Variants in EVC observed in about 807,000 individuals in gnomAD.
The protein encoded by EVC is evC complex member EVC.
Under a neutral mutation model 118.9 loss-of-function variants are expected in EVC, and 116 were observed. That is an observed-to-expected ratio of 0.98 (90% confidence interval 0.84 to 1.14). EVC has a LOEUF of 1.14. EVC is among the 50% of genes most tolerant of loss of function. The pLI is 0.00. For synonymous variants in EVC, 619 were observed against 534.7 expected (o/e 1.16, Z -2.18); for missense variants, 1,401 against 1,246.4 (o/e 1.12, Z -1.87).
At chr4:5,769,425 C>T (rs1172716353) in intron 11 of EVC, among the ~76,000 whole-genome samples, 1 of 152,144 alleles carries the variant, frequency 6.6e-6, no homozygotes, top group Non-Finnish European at 1.5e-5. Flanking sequence ...TAAACCATAT[C>T]ATAACCTAAT....
intron 19 of EVC, 122 bp from the exon 20 acceptor site, chr4:5,810,191 GAGTGGCTGCAATAGCATAAGATACCA>G: frequency 7.0e-6 from 5 of 714,578 alleles, no homozygotes; most frequent in Non-Finnish European, 1.0e-5. Context: ...CTCATTAGTT[GAGTGGCTGCAATAGCATAAGATACCA>G]AGCATACACT....
Position 5,748,150 on chromosome 4 carries a change from G to A in EVC, c.942G>A (p.Met314Ile), listed in dbSNP as rs757159611. 6.2e-7 allele frequency: 1 copy of A among 1,614,180 alleles called. No individual in the cohort carries two copies. Among genetic ancestry groups the A allele is most frequent in the East Asian group, 2.2e-5 (1 of 44,880 alleles). The change falls in exon 8 of 21, where the codon ATG becomes ATA. Residue 314 changes from methionine (M) to isoleucine (I), a missense_variant and splice_region_variant. Transcript: ENST00000264956. ...TGCTGCTTGTGCTCATTTCACAGAT[G>A]GAAGCTTTCTGGAAACAGATGGCAA... The part of the protein sequence containing the change: ...REYSEQLIDN[M>I]EAFWKQMANI...
In EVC at chr4:5,739,397, C is replaced by T. The variant is rs186347794; in HGVS notation, c.703-2319C>T. Reference sequence around the variant, plus strand: ...TTCTGGGTTCAAATCTCAGCTCTGTCGCATGTGGCTGTGTGGCAGGAGGCA... The same window carrying T: ...TTCTGGGTTCAAATCTCAGCTCTGTTGCATGTGGCTGTGTGGCAGGAGGCA... On this transcript the variant is annotated intron_variant, in intron 5 of 20. Coordinates refer to ENST00000264956, the MANE Select transcript of EVC (RefSeq NM_153717.3). 2.9e-4 allele frequency among the ~76,000 whole-genome samples: 44 copies of T among 152,244 alleles called. No homozygotes were observed. The East Asian group carries it at 6.6e-3, about 23-fold the overall frequency.
At chr4:5,821,529 C>T in the EVC span, 1 of 543,024 alleles carries the variant, frequency 1.8e-6, no homozygotes, top group African/African-American at 1.9e-5. The surrounding 1 kb of genome is among the most constrained non-coding windows in gnomAD (Gnocchi z 4.4). Flanking sequence ...ATGAAAACAC[C>T]ATGCTCCGAG....
At chr4:5,799,144 C>G (rs1714517826) in intron 15 of EVC, among the ~76,000 whole-genome samples, 1 of 152,158 alleles carries the variant, frequency 6.6e-6, no homozygotes, top group South Asian at 2.1e-4. Flanking sequence ...ATCCCTCTCT[C>G]AGAAAGAGAG....
intron 11 of EVC, chr4:5,758,096 CAT>C (rs1434502943): frequency 2.8e-6 from 2 of 702,174 alleles, no homozygotes; most frequent in Admixed American, 2.0e-5. Context: ...CATGAGAAGA[CAT>C]AGAGACACAG....
chr4:5,808,747 C>G (rs564083714), intron 18 of EVC, among the ~76,000 whole-genome samples: 1 of 152,300 alleles, frequency 6.6e-6, no homozygotes, highest in Admixed American at 6.5e-5. Context: ...GCTCAGCTCT[C>G]ATGATATAAA....
rs1297161942 is a variant in EVC at position 5,810,455 on chromosome 4, G to A, written c.2894+5G>A. 2 of 1,606,484 alleles carry A rather than the reference G, an allele frequency of 1.2e-6. No individual in the cohort carries two copies. Among genetic ancestry groups the A allele is most frequent in the Non-Finnish European group, 1.7e-6 (2 of 1,176,634 alleles). On this transcript the variant is annotated splice_donor_5th_base_variant and intron_variant, in intron 20 of 20. Transcript: ENST00000264956. The stretch of plus-strand genomic sequence containing the variant: ...CCAGACCTCAGGCTCACTCAGGTAT[G>A]ACTGGGCCCCGGACCTGTTGCCTGT...
the EVC span, chr4:5,824,241 T>TC: frequency 1.0e-6 from 1 of 965,864 alleles, no homozygotes; most frequent in South Asian, 4.8e-5. Flanking sequence ...GATAGCTTTT[T>TC]CCCAGGATGA....
intron 13 of EVC, 96 bp from the exon 14 acceptor site, chr4:5,796,926 A>AG: frequency 1.1e-6 from 1 of 923,294 alleles, no homozygotes; most frequent in Admixed American, 1.7e-5. Context: ...TTCCTTTTGG[A>AG]GGGGCCTCTT....
chr4:5,752,567 C>A, intron 8 of EVC: 1 of 555,178 alleles, frequency 1.8e-6, no homozygotes, highest in Non-Finnish European at 3.2e-6. Context: ...AGGAGGGTGG[C>A]CCTCTGGGGA....
chr4:5,775,184 T>C (rs1018777042), intron 11 of EVC, among the ~76,000 whole-genome samples: 6 of 152,140 alleles, frequency 3.9e-5, no homozygotes, highest in Admixed American at 3.9e-4. Flanking sequence ...GGCAGAAAAT[T>C]GGGATTCTCA....
In EVC at chr4:5,737,707, A is replaced by C. The variant is rs571782760; in HGVS notation, c.703-4009A>C. 6.6e-6 allele frequency among the ~76,000 whole-genome samples: 1 copy of C among 152,196 alleles called. No homozygotes were observed. The highest frequency in any genetic ancestry group is 1.5e-5 in the Non-Finnish European group (1 of 68,032). On this transcript the variant is annotated intron_variant, in intron 5 of 20. Coordinates refer to ENST00000264956, the MANE Select transcript of EVC (RefSeq NM_153717.3). The surrounding 1 kb of genome is among the most constrained non-coding windows in gnomAD (Gnocchi z 5.0). ...GTTTATAGCATAGTTTAAGCCCACT[A>C]TTGACACCTACTGCCCAGAAAATAA...
rs28722043 is a variant in EVC, at chr4:5,809,756, G to T, written c.2782+145G>T. 0.076 allele frequency: 59,218 copies of T among 779,706 alleles called. 2,485 individuals carry two copies. Among genetic ancestry groups the T allele is most frequent in the Middle Eastern group, 0.12 (352 of 3,022 alleles). 48.3% of individuals were successfully genotyped at this position (779,706 alleles called of 1,614,324 possible). The stretch of plus-strand genomic sequence containing the variant: ...GGCTTTTGTGACCTTGTCTGTAAAT[G>T]AGCAGGCTTGGCTAGGCCACCCCTC... On this transcript the variant is annotated intron_variant, in intron 19 of 20. Coordinates refer to ENST00000264956, the MANE Select transcript of EVC (RefSeq NM_153717.3).
chr4:5,821,337 G>C, the EVC span: 2 of 169,562 alleles, frequency 1.2e-5, no homozygotes, highest in African/African-American at 4.7e-5. The surrounding 1 kb of genome is among the most constrained non-coding windows in gnomAD (Gnocchi z 4.4). Context: ...AGTCCTTGGC[G>C]ATGTCCCCTC....
chr4:5,729,084 C>G (rs190959683), intron 2 of EVC, among the ~76,000 whole-genome samples: 1 of 152,186 alleles, frequency 6.6e-6, no homozygotes, highest in East Asian at 1.9e-4. Flanking sequence ...GCCCACCCAC[C>G]CATTCATTCA....
At chr4:5,736,502 C>T (rs950602160) in intron 5 of EVC, among the ~76,000 whole-genome samples, 1 of 135,914 alleles carries the variant, frequency 7.4e-6, no homozygotes, top group African/African-American at 2.7e-5. Context: ...TTCAGAGATG[C>T]TGCATTTTTT....
At chr4:5,794,425 G>A (rs1203402430) in intron 13 of EVC, among the ~76,000 whole-genome samples, 4 of 130,852 alleles carry the variant, frequency 3.1e-5, no homozygotes, top group Non-Finnish European at 3.2e-5. Flanking sequence ...CTTTTTTCTC[G>A]AGACAGACTC....
downstream of EVC, among the ~76,000 whole-genome samples, chr4:5,817,832 A>C (rs1164578757): frequency 6.6e-6 from 1 of 152,136 alleles, no homozygotes; most frequent in African/African-American, 2.4e-5. Context: ...GGCCAGACCA[A>C]CCCTGGGGGC....
Sources: gnomAD v4.1 joint callset for allele counts (sites outside exome capture counted in the v4.1 genomes callset) on GRCh38, gnomAD v4.1.1 for gene constraint, Gnocchi (gnomAD v3.1) non-coding constraint, MANE v1.5 for transcripts, NCBI Gene and HGNC (gene_info 2026-07-23, HGNC 2026-07-21) for gene names.